BTAF1: variants seen among roughly 807,000 people sequenced by gnomAD.
BTAF1 encodes the protein TATA-binding protein-associated factor 172.
A neutral mutation model predicts 227.1 loss-of-function variants in BTAF1; 38 were observed. The ratio of observed to expected loss-of-function variants is 0.17; its 90% confidence interval spans 0.13 to 0.22. BTAF1 has a LOEUF of 0.22. BTAF1 is among the 10% of genes least tolerant of loss of function. BTAF1 has a pLI of 1.00. For synonymous variants in BTAF1, 742 were observed against 751.9 expected (o/e 0.99, Z 0.21); for missense variants, 1,598 against 2,204.0 (o/e 0.73, Z 5.51).
intron 22 of BTAF1, 59 bp from the exon 23 acceptor site, chr10:91,994,475 TG>T (rs1407895177): frequency 1.5e-6 from 2 of 1,293,504 alleles, no homozygotes; most frequent in East Asian, 4.7e-5. Flanking sequence ...TAAAAGTTTT[TG>T]TGTGCTCTAG....
At position 92,016,500 on chromosome 10, in the gene BTAF1, A is replaced by G. The variant is rs77363627; in HGVS notation, c.4710+35A>G. On this transcript the variant is annotated intron_variant, in intron 33 of 37. Transcript: ENST00000265990. Reference sequence around the variant, plus strand: ...ACATTCTACTTTTTTTTTTTTTGAGATGGAATTTCACTCTGTCATCTAGGC... The same window carrying G: ...ACATTCTACTTTTTTTTTTTTTGAGGTGGAATTTCACTCTGTCATCTAGGC... 0.014 allele frequency: 20,459 copies of G among 1,467,870 alleles called. 2,486 individuals are homozygous for G. In the African/African-American group the frequency reaches 0.26, roughly 19 times the overall value. The allele number at this position is 1,467,870 out of a possible 1,614,324, so 90.9% of individuals were successfully genotyped here.
At chr10:91,962,811 C>G in intron 12 of BTAF1, 133 bp downstream of exon 12, 1 of 661,756 alleles carries the variant, frequency 1.5e-6, no homozygotes, top group South Asian at 2.6e-5. Context: ...CCCTCTGATG[C>G]ATGCAATCTT....
rs768899100 is a variant in BTAF1, at chr10:92,030,405, A to ATTGT, written c.*1475_*1478dup. Reference sequence around the variant, plus strand: ...TATTCAGGTATACAGGTTTTTTTTCATTGTTTAGGATTTTAACTCAAAACT... The same window carrying ATTGT: ...TATTCAGGTATACAGGTTTTTTTTCATTGTTTGTTTAGGATTTTAACTCAAAACT... On this transcript the variant is annotated 3_prime_UTR_variant, in exon 38 of 38. Coordinates refer to ENST00000265990, the MANE Select transcript of BTAF1 (RefSeq NM_003972.3). The ATTGT allele has an allele frequency of 2.6e-5, 4 of 152,186 alleles. No individual in the cohort carries two copies. The East Asian group carries it at 5.8e-4, about 22-fold the overall frequency. 9.4% of individuals were successfully genotyped at this position (152,186 alleles called of 1,614,324 possible). A position where few individuals can be genotyped will look rare whatever the true frequency, so the allele number is the denominator to read the frequency against.
At chr10:91,949,414 A>G (rs1287260063) in intron 4 of BTAF1, among the ~76,000 whole-genome samples, 4 of 152,164 alleles carry the variant, frequency 2.6e-5, no homozygotes, top group East Asian at 3.8e-4. Flanking sequence ...AATGGGTTAC[A>G]TTTTCTTTTC....
intron 19 of BTAF1, among the ~76,000 whole-genome samples, chr10:91,984,777 G>A (rs1848289919): frequency 6.6e-6 from 1 of 152,088 alleles, no homozygotes; most frequent in Admixed American, 6.6e-5. Flanking sequence ...TAGAAAAAGT[G>A]ATGAAATTAC....
intron 19 of BTAF1, among the ~76,000 whole-genome samples, chr10:91,984,958 A>G (rs1848304386): frequency 6.6e-6 from 1 of 152,130 alleles, no homozygotes; most frequent in Admixed American, 6.5e-5. Context: ...TCAGGATTTT[A>G]TATAATTAAC....
intron 23 of BTAF1, 26 bp downstream of exon 23, chr10:91,994,670 T>A: frequency 6.4e-7 from 1 of 1,554,678 alleles, no homozygotes; most frequent in South Asian, 1.1e-5. Context: ...AAGTGTAATA[T>A]TTCTTCAAAT....
chr10:92,028,759 ATT>A (rs10622641), intron 37 of BTAF1, 29 bp from the exon 38 acceptor site: 1,051 of 1,373,542 alleles, frequency 7.7e-4, no homozygotes, highest in Admixed American at 2.0e-3. Context: ...CTCTCATTTT[ATT>A]TTTTTTTTTT....
In BTAF1 at chr10:91,953,865, T is replaced by C; in HGVS notation, c.693T>C (p.Asn231=). ...GATCCAGGGATGCAGTGGAAACTAATGAGAAGAGGTAGTAATCTTTTTTTG... is the reference window on the plus strand; with the variant it reads ...GATCCAGGGATGCAGTGGAAACTAACGAGAAGAGGTAGTAATCTTTTTTTG... The part of the protein sequence containing the change: ...KQRSRDAVET[N]EKSNDSTDGE... The change falls in exon 6 of 38, where the codon AAT becomes AAC. Residue 231 remains asparagine (N), a synonymous_variant. Transcript: ENST00000265990. 6.2e-7 allele frequency: 1 copy of C among 1,613,842 alleles called. No homozygotes were observed. Among genetic ancestry groups the C allele is most frequent in the Non-Finnish European group, 8.5e-7 (1 of 1,179,846 alleles).
intron 15 of BTAF1, 134 bp downstream of exon 15, chr10:91,980,692 C>A: frequency 1.5e-6 from 1 of 672,410 alleles, no homozygotes; most frequent in Non-Finnish European, 2.6e-6. Flanking sequence ...CATAATGAGA[C>A]AGAGAACTAG....
At chr10:91,929,135 A>G (rs1364190920) in intron 1 of BTAF1, among the ~76,000 whole-genome samples, 3 of 152,160 alleles carry the variant, frequency 2.0e-5, no homozygotes, top group African/African-American at 7.2e-5. Flanking sequence ...TTGGTGGGGA[A>G]TCTGTAGCTG....
intron 4 of BTAF1, among the ~76,000 whole-genome samples, chr10:91,947,313 C>T (rs1845439175): frequency 6.6e-6 from 1 of 152,062 alleles, no homozygotes. Context: ...AGCTCATTTA[C>T]CTCTGTTTTC....
chr10:91,987,022 G>A (rs1211329678), intron 19 of BTAF1, among the ~76,000 whole-genome samples: 1 of 150,190 alleles, frequency 6.7e-6, no homozygotes, highest in Non-Finnish European at 1.5e-5. Flanking sequence ...ACTGTGTGCT[G>A]TCTACTCTCA....
In BTAF1 at chr10:91,987,026, A is replaced by G. The variant is rs184579081; in HGVS notation, c.2428-2128A>G. Among the ~76,000 whole-genome samples the G allele has an allele frequency of 2.7e-5, 4 of 148,976 alleles. No homozygotes were observed. In the East Asian group the frequency reaches 5.9e-4, roughly 22 times the overall value. On this transcript the variant is annotated intron_variant, in intron 19 of 37. Coordinates refer to ENST00000265990, the MANE Select transcript of BTAF1 (RefSeq NM_003972.3). ...CCTACCCAGGTACTGTGTGCTGTCT[A>G]CTCTCAGTCTTTCTTACGTTCTTCT...
At chr10:92,024,731 A>AGTTT (rs1851367141) in intron 34 of BTAF1, 25 bp from the exon 35 acceptor site, 1 of 922,766 alleles carries the variant, frequency 1.1e-6, no homozygotes, top group Non-Finnish European at 1.5e-6. Flanking sequence ...ACGCTTATGT[A>AGTTT]GTTTTTTTTT....
At chr10:92,011,004 A>T (rs916226759) in intron 28 of BTAF1, 69 bp from the exon 29 acceptor site, 2 of 1,155,316 alleles carry the variant, frequency 1.7e-6, no homozygotes, top group African/African-American at 1.6e-5. Flanking sequence ...AAAGCACTTT[A>T]TACAAATGGT....
chr10:92,019,496 C>T (rs1201970580), intron 34 of BTAF1, among the ~76,000 whole-genome samples: 1 of 152,156 alleles, frequency 6.6e-6, no homozygotes. Context: ...ATCTGAGTTA[C>T]TCTTTTTAGT....
chr10:92,028,508 C>G (rs557655712), intron 37 of BTAF1, among the ~76,000 whole-genome samples: 2 of 152,212 alleles, frequency 1.3e-5, no homozygotes, highest in South Asian at 4.1e-4. Context: ...AACTATATTT[C>G]TGACATCCAT....
At chr10:91,950,022 G>A (rs1164787449) in intron 4 of BTAF1, among the ~76,000 whole-genome samples, 5 of 151,834 alleles carry the variant, frequency 3.3e-5, no homozygotes, top group African/African-American at 1.2e-4. Flanking sequence ...CATGCATATG[G>A]TCCTAGCTAC....
Sources: gnomAD v4.1 joint callset for allele counts (sites outside exome capture counted in the v4.1 genomes callset) on GRCh38, gnomAD v4.1.1 for gene constraint, MANE v1.5 for transcripts, NCBI Gene and HGNC (gene_info 2026-07-23, HGNC 2026-07-21) for gene names.